PITPNM2: variants seen among roughly 807,000 people sequenced by gnomAD.
PITPNM2 encodes the protein phosphatidylinositol transfer protein membrane associated 2, also known as membrane-associated phosphatidylinositol transfer protein 2.
A neutral mutation model predicts 132.2 loss-of-function variants in PITPNM2; 35 were observed. The observed-to-expected ratio is 0.26, with a 90% CI of 0.20 to 0.35. PITPNM2 has a LOEUF of 0.35. PITPNM2 is among the 10% of genes least tolerant of loss of function. The pLI is 1.00. For missense variants in PITPNM2, 1,332 were observed against 1,912.0 expected, an observed-to-expected ratio of 0.70 and a Z score of 5.66; for synonymous variants, 738 against 799.2, an observed-to-expected ratio of 0.92 and a Z score of 1.29.
chr12:123,139,187 T>C (rs1019707255), intron 1 of PITPNM2, among the ~76,000 whole-genome samples: 22 of 151,764 alleles, frequency 1.4e-4, no homozygotes, highest in Admixed American at 3.9e-4. Flanking sequence ...CATGTGTAAA[T>C]TCACCTCAGT....
intron 2 of PITPNM2, among the ~76,000 whole-genome samples, chr12:123,050,039 T>G (rs1334823336): frequency 6.6e-6 from 1 of 152,222 alleles, no homozygotes; most frequent in African/African-American, 2.4e-5. Flanking sequence ...CATGTCCCTG[T>G]TTCTTGACAG....
At chr12:123,040,837 A>G (rs2040446011) in intron 2 of PITPNM2, among the ~76,000 whole-genome samples, 1 of 152,260 alleles carries the variant, frequency 6.6e-6, no homozygotes, top group Admixed American at 6.5e-5. Flanking sequence ...TTCATGTAGA[A>G]CATGATACTT....
intron 3 of PITPNM2, among the ~76,000 whole-genome samples, chr12:123,028,300 C>A (rs539357901): frequency 6.6e-6 from 1 of 152,222 alleles, no homozygotes; most frequent in Admixed American, 6.5e-5. Context: ...GGTACTTTGA[C>A]GCGCGAGCCC....
intron 2 of PITPNM2, among the ~76,000 whole-genome samples, chr12:123,101,997 G>C (rs1050499491): frequency 2.4e-4 from 36 of 152,226 alleles, no homozygotes; most frequent in Non-Finnish European, 5.1e-4. Flanking sequence ...CTGGGTGACA[G>C]AGTGATCTTG....
Position 122,989,881 on chromosome 12 carries a change from G to T in PITPNM2, c.2637C>A (p.Pro879=). The change falls in exon 18 of 26, where the codon CCC becomes CCA. Residue 879 remains proline (P), a synonymous_variant. Transcript: ENST00000320201. ...GGTGGGGGCCAGGGGTGGTGGGGCT[G>T]GGGGCGGGCAGGGCGAGCAGGGACA... is the stretch of plus-strand genomic sequence containing the variant. ...RRLSLLALPA[P]SPTTPGPHPP... is the part of the protein sequence containing the mutation. The T allele has an allele frequency of 7.5e-7, 1 of 1,328,882 alleles. No homozygotes were observed. 82.3% of individuals were successfully genotyped at this position (1,328,882 alleles called of 1,614,324 possible). A position where few individuals can be genotyped will look rare whatever the true frequency, so the allele number is the denominator to read the frequency against.
In PITPNM2 at chr12:123,023,839, A is replaced by G. The variant is rs1357596861; in HGVS notation, c.79-9797T>C. 6.6e-6 allele frequency among the ~76,000 whole-genome samples: 1 copy of G among 152,226 alleles called. No individual in the cohort carries two copies. The highest frequency in any genetic ancestry group is 2.4e-5 in the African/African-American group (1 of 41,462). ...TCAAAGGACACTAAAAAGAAAGTGA[A>G]AAAACAACGTACAAAATGGGAGAGA... On this transcript the variant is annotated intron_variant, in intron 3 of 25. Coordinates refer to ENST00000320201, the MANE Select transcript of PITPNM2 (RefSeq NM_020845.3). The surrounding 1 kb of genome is among the most constrained non-coding windows in gnomAD (Gnocchi z 4.8).
At chr12:123,080,227 T>C (rs1409244038) in intron 2 of PITPNM2, among the ~76,000 whole-genome samples, 1 of 152,144 alleles carries the variant, frequency 6.6e-6, no homozygotes, top group East Asian at 1.9e-4. Flanking sequence ...TTGTCACATT[T>C]TTTTTTTAAG....
intron 1 of PITPNM2, among the ~76,000 whole-genome samples, chr12:123,120,892 G>A (rs2043019783): frequency 6.6e-6 from 1 of 152,194 alleles, no homozygotes; most frequent in Non-Finnish European, 1.5e-5. Context: ...GCATAACGAA[G>A]ACCACACCCA....
At chr12:123,115,107 A>G (rs1235717238) in intron 1 of PITPNM2, among the ~76,000 whole-genome samples, 1 of 152,106 alleles carries the variant, frequency 6.6e-6, no homozygotes, top group Non-Finnish European at 1.5e-5. Context: ...TCTCCCAAGA[A>G]CAGCTCTGAA....
In PITPNM2 at chr12:122,986,099, A is replaced by C; in HGVS notation, c.3978T>G (p.Ser1326Arg). Residue 1326 changes from serine (S) to arginine (R), a missense_variant, in exon 26 of 26, where the codon AGT (serine) becomes AGG (arginine). Ser to Arg is a moderately radical substitution (Grantham distance 110). Around this residue, in one of 6 missense-constraint regions of PITPNM2, gnomAD observed 163 missense variants for 177.2 expected, o/e 0.92. Transcript: ENST00000320201. The stretch of plus-strand genomic sequence containing the variant: ...CGCGGCCCCAGCAGCCGGCCGCCAC[A>C]CTCATGCTGCGCTGGCCCCGCTGCT... ...DGEQRGQRSM[S>R]VAAGCWGRAM... is the part of the protein sequence containing the mutation. The C allele has an allele frequency of 6.9e-7, 1 of 1,459,776 alleles. No individual in the cohort carries two copies. 90.4% of individuals were successfully genotyped at this position (1,459,776 alleles called of 1,614,324 possible).
At chr12:123,087,089 G>C (rs538635478) in intron 2 of PITPNM2, among the ~76,000 whole-genome samples, 9 of 152,204 alleles carry the variant, frequency 5.9e-5, no homozygotes, top group Non-Finnish European at 1.3e-4. Flanking sequence ...GACCCTCAGA[G>C]AGCCTGGAGA....
intron 3 of PITPNM2, among the ~76,000 whole-genome samples, chr12:123,016,009 T>C (rs141238047): frequency 3.2e-4 from 49 of 152,280 alleles, no homozygotes; most frequent in African/African-American, 1.1e-3. Context: ...AACATCACTA[T>C]TCATTAGGAA....
In PITPNM2 at chr12:123,036,359, G is replaced by A. The variant is rs892833447; in HGVS notation, c.-95-1674C>T. 4.6e-5 allele frequency among the ~76,000 whole-genome samples: 7 copies of A among 152,236 alleles called. No homozygotes were observed. The highest frequency in any genetic ancestry group is 2.1e-4 in the South Asian group (1 of 4,824). ...ATCCCTTGTGCTAGCCTAAAACAGC[G>A]GCTCCCAGTTGTTTAGTTCACAGCA... On this transcript the variant is annotated intron_variant, in intron 2 of 25. Transcript: ENST00000320201. The surrounding 1 kb of genome is among the most constrained non-coding windows in gnomAD (Gnocchi z 4.1).
At chr12:123,125,863 G>GCTTTT (rs1566303194) in intron 1 of PITPNM2, among the ~76,000 whole-genome samples, 2 of 79,672 alleles carry the variant, frequency 2.5e-5, no homozygotes, top group African/African-American at 8.3e-5. Context: ...AAAAAATTAG[G>GCTTTT]GTTTTTTTTT....
At chr12:123,018,022 TCCTTCCTTCCTTCCTC>T (rs1346196584) in intron 3 of PITPNM2, among the ~76,000 whole-genome samples, 42 of 136,200 alleles carry the variant, frequency 3.1e-4, no homozygotes, top group African/African-American at 1.1e-3. Flanking sequence ...CTTCCTTCCT[TCCTTCCTTCCTTCCTC>T]CCTCCCTCCC....
intron 5 of PITPNM2, among the ~76,000 whole-genome samples, chr12:123,010,991 G>T (rs956817345): frequency 1.3e-5 from 2 of 152,208 alleles, no homozygotes; most frequent in African/African-American, 4.8e-5. Flanking sequence ...ACAAGAAGAT[G>T]GGTGATGGCT....
rs1594117815 is a variant in PITPNM2, at chr12:122,988,315, C to T, written c.2916G>A (p.Leu972=). The T allele has an allele frequency of 6.2e-7, 1 of 1,613,472 alleles. No individual in the cohort carries two copies. Among genetic ancestry groups the T allele is most frequent in the Non-Finnish European group, 8.5e-7 (1 of 1,179,998 alleles). The change falls in exon 20 of 26, where the codon CTG becomes CTA. Residue 972 remains leucine, a synonymous_variant. Coordinates refer to ENST00000320201, the MANE Select transcript of PITPNM2 (RefSeq NM_020845.3). ...TGAACACCGACACTTCCTTGCCATC[C>T]AGCTCCAAGATGCTGGAGTTGTCAT... ...MRHDNSSILE[L]DGKEVSVFTP...
rs2041342310 is a variant in PITPNM2, at chr12:123,064,273, G to A, written c.-95-29588C>T. On this transcript the variant is annotated intron_variant, in intron 2 of 25. Coordinates refer to ENST00000320201, the MANE Select transcript of PITPNM2 (RefSeq NM_020845.3). This position sits in a 1 kb window ranked among gnomAD's most constrained non-coding sequence, Gnocchi z 4.0. Reference sequence around the variant, plus strand: ...AAACCAAGAGAGCGACAGGGACTTGGTCAAGGTCATCGGGCAAGTCAGTAG... The same window carrying A: ...AAACCAAGAGAGCGACAGGGACTTGATCAAGGTCATCGGGCAAGTCAGTAG... Among the ~76,000 whole-genome samples the A allele has an allele frequency of 6.6e-6, 1 of 152,216 alleles. No homozygotes were observed. Among genetic ancestry groups the A allele is most frequent in the South Asian group, 2.1e-4 (1 of 4,836 alleles).
At chr12:122,988,133 A>G (rs917322366) in intron 20 of PITPNM2, 101 bp downstream of exon 20, 13 of 1,084,572 alleles carry the variant, frequency 1.2e-5, no homozygotes, top group Admixed American at 5.2e-5. Context: ...GGGAAGGTAC[A>G]TAAGACTGCA....
Sources: allele counts gnomAD v4.1 joint callset (sites outside exome capture counted in the v4.1 genomes callset), GRCh38; gene constraint gnomAD v4.1.1; regional missense constraint gnomAD v4.1.1; non-coding constraint Gnocchi (gnomAD v3.1); transcripts MANE v1.5; gene names NCBI Gene and HGNC (gene_info 2026-07-23, HGNC 2026-07-21).